The following GNAI2 variants were observed in gnomAD, a reference collection of about 807,000 sequenced individuals.
GNAI2 encodes the protein G protein subunit alpha i2.
A neutral mutation model predicts 36.8 loss-of-function variants in GNAI2; 4 were observed. The observed-to-expected ratio is 0.11, with a 90% CI of 0.05 to 0.25. GNAI2 has a LOEUF of 0.25. GNAI2 is among the 10% of genes least tolerant of loss of function. The pLI, the probability that GNAI2 is intolerant of heterozygous loss-of-function variation, is 1.00. For synonymous variants in GNAI2, 194 were observed against 194.1 expected, an observed-to-expected ratio of 1.00 and a Z score of 0.01; for missense variants, 230 against 481.3, an observed-to-expected ratio of 0.48 and a Z score of 4.89.
rs924494913 is a variant in GNAI2, at chr3:50,258,643, G to A, written c.*300G>A. 9 of 323,162 alleles carry A rather than the reference G, an allele frequency of 2.8e-5. No individual in the cohort carries two copies. The highest frequency in any genetic ancestry group is 1.1e-4 in the African/African-American group (5 of 45,926). The allele number at this position is 323,162 out of a possible 1,614,324, so 20.0% of individuals were successfully genotyped here. A position where few individuals can be genotyped will look rare whatever the true frequency, so the allele number is the denominator to read the frequency against. On this transcript the variant is annotated 3_prime_UTR_variant, in exon 9 of 9. Transcript: ENST00000313601. ...CTTGTTCTGTGATGAGGGGAGGGGGGCACATGCTGAGTCTCCCAAGGCTGC... is the reference window on the plus strand; with the variant it reads ...CTTGTTCTGTGATGAGGGGAGGGGGACACATGCTGAGTCTCCCAAGGCTGC...
At chr3:50,254,248 T>C (rs1700636303) in intron 4 of GNAI2, among the ~76,000 whole-genome samples, 2 of 152,120 alleles carry the variant, frequency 1.3e-5, no homozygotes, top group Admixed American at 6.5e-5. Flanking sequence ...GACAGGCTAA[T>C]AGCCATTGAG....
In GNAI2 at chr3:50,256,180, C is replaced by T. The variant is rs1553703132; in HGVS notation, c.465-12C>T. ...GCTGGCCCCCACTGACCCTCCCACC[C>T]CCCATCCCCAGCTACCTGAACGACC... On this transcript the variant is annotated splice_polypyrimidine_tract_variant and intron_variant, in intron 4 of 8. Transcript: ENST00000313601. 1.4e-6 allele frequency: 2 copies of T among 1,468,198 alleles called. No individual in the cohort carries two copies. The highest frequency in any genetic ancestry group is 9.4e-7 in the Non-Finnish European group (1 of 1,059,098). 90.9% of individuals were successfully genotyped at this position (1,468,198 alleles called of 1,614,324 possible). A position where few individuals can be genotyped will look rare whatever the true frequency, so the allele number is the denominator to read the frequency against.
Position 50,252,626 on chromosome 3 carries a change from C to G in GNAI2, c.303+88C>G, listed in dbSNP as rs1700588768. The stretch of plus-strand genomic sequence containing the variant: ...TGGCTCATGCCTATAAATCCCAGCA[C>G]TTTGGGACGCCGAGGCGGGTGGATC... On this transcript the variant is annotated intron_variant, in intron 3 of 8. Coordinates refer to ENST00000313601, the MANE Select transcript of GNAI2 (RefSeq NM_002070.4). This position sits in a 1 kb window ranked among gnomAD's most constrained non-coding sequence, Gnocchi z 4.1. 8.8e-7 allele frequency: 1 copy of G among 1,140,296 alleles called. No homozygotes were observed. Among genetic ancestry groups the G allele is most frequent in the Non-Finnish European group, 1.3e-6 (1 of 787,566 alleles). The allele number at this position is 1,140,296 out of a possible 1,614,324, so 70.6% of individuals were successfully genotyped here.
chr3:50,257,446 G>A, intron 7 of GNAI2, 54 bp from the exon 8 acceptor site: 1 of 1,255,560 alleles, frequency 8.0e-7, no homozygotes, highest in Non-Finnish European at 1.1e-6. Flanking sequence ...GCACACGTAG[G>A]ATGCGGCCTG....
At chr3:50,227,202 A>C (rs1699990181), upstream of GNAI2, 1 of 1,406,904 alleles carries the variant, frequency 7.1e-7, no homozygotes, top group Non-Finnish European at 9.3e-7. The surrounding 1 kb of genome is among the most constrained non-coding windows in gnomAD (Gnocchi z 5.9). Context: ...GGGTAAGCCG[A>C]TGGCGGCTAT....
Position 50,236,206 on chromosome 3 carries a change from T to C in GNAI2, c.-130T>C. 8.5e-7 allele frequency: 1 copy of C among 1,180,350 alleles called. No individual in the cohort carries two copies. The highest frequency in any genetic ancestry group is 1.0e-6 in the Non-Finnish European group (1 of 955,564). The allele number at this position is 1,180,350 out of a possible 1,614,324, so 73.1% of individuals were successfully genotyped here. ...GCGGTAGGGAAGGCGCCTCCCGCAGTCGCTCGGAACTGCCGACCCGAGTGC... is the reference window on the plus strand; with the variant it reads ...GCGGTAGGGAAGGCGCCTCCCGCAGCCGCTCGGAACTGCCGACCCGAGTGC... On this transcript the variant is annotated 5_prime_UTR_variant, in exon 1 of 9. Coordinates refer to ENST00000313601, the MANE Select transcript of GNAI2 (RefSeq NM_002070.4). This position sits in a 1 kb window ranked among gnomAD's most constrained non-coding sequence, Gnocchi z 4.0.
Position 50,252,583 on chromosome 3 carries a change from C to T in GNAI2, c.303+45C>T, listed in dbSNP as rs929219193. ...CCCTCTCCCACCTCCCAAAAGGTTT[C>T]GGGGTGGCTGGTTGTGGTGGCTCAT... On this transcript the variant is annotated intron_variant, in intron 3 of 8. Transcript: ENST00000313601. The surrounding 1 kb of genome is among the most constrained non-coding windows in gnomAD (Gnocchi z 4.1). The T allele has an allele frequency of 1.3e-5, 20 of 1,544,576 alleles. No homozygotes were observed. The highest frequency in any genetic ancestry group is 1.8e-5 in the Non-Finnish European group (20 of 1,127,520).
intron 1 of GNAI2, 154 bp from the exon 2 acceptor site, chr3:50,251,946 T>C: frequency 1.1e-6 from 1 of 895,230 alleles, no homozygotes; most frequent in Admixed American, 2.6e-5. Context: ...TCCTGGTAGC[T>C]CAACTGCCCA....
rs1700775267 is a variant in GNAI2, at chr3:50,258,737, C to G, written c.*394C>G. The G allele has an allele frequency of 2.8e-6, 1 of 359,392 alleles. No homozygotes were observed. Among genetic ancestry groups the G allele is most frequent in the South Asian group, 2.2e-5 (1 of 46,192 alleles). 22.3% of individuals were successfully genotyped at this position (359,392 alleles called of 1,614,324 possible). On this transcript the variant is annotated 3_prime_UTR_variant, in exon 9 of 9. Transcript: ENST00000313601. ...GCCCAACACCAGCCCCTGCCCCAGC[C>G]CAAGTCCAAATGTTTACAGGGAGCC...
At chr3:50,256,164 C>A in intron 4 of GNAI2, 28 bp from the exon 5 acceptor site, 1 of 1,359,732 alleles carries the variant, frequency 7.4e-7, no homozygotes, top group South Asian at 1.2e-5. Context: ...TGCTGGCCCC[C>A]ACTGACCCTC....
At chr3:50,251,847 G>A (rs1700565262) in intron 1 of GNAI2, 1 of 1,237,586 alleles carries the variant, frequency 8.1e-7, no homozygotes, top group Non-Finnish European at 1.1e-6. Flanking sequence ...GGGCAGCAGA[G>A]CTTGTGGGAG....
At position 50,255,444 on chromosome 3, in the gene GNAI2, G is replaced by T. The variant is rs956133556; in HGVS notation, c.465-748G>T. ...CACTGGACCTGGCAGGCCCCAACCT[G>T]TCCAGCACCACATCGAGGGACCGCA... On this transcript the variant is annotated intron_variant, in intron 4 of 8. Transcript: ENST00000313601. This position sits in a 1 kb window ranked among gnomAD's most constrained non-coding sequence, Gnocchi z 4.0. 6.6e-6 allele frequency among the ~76,000 whole-genome samples: 1 copy of T among 152,204 alleles called. No individual in the cohort carries two copies. The highest frequency in any genetic ancestry group is 1.5e-5 in the Non-Finnish European group (1 of 68,022).
chr3:50,246,213 G>C (rs1302661335), intron 1 of GNAI2, among the ~76,000 whole-genome samples: 6 of 152,250 alleles, frequency 3.9e-5, no homozygotes, highest in Non-Finnish European at 8.8e-5. Flanking sequence ...TGTGTGCCGA[G>C]TCTCTGCAGG....
At position 50,256,174 on chromosome 3, in the gene GNAI2, C is replaced by G; in HGVS notation, c.465-18C>G. The stretch of plus-strand genomic sequence containing the variant: ...CCCCATGCTGGCCCCCACTGACCCT[C>G]CCACCCCCCATCCCCAGCTACCTGA... On this transcript the variant is annotated intron_variant, in intron 4 of 8. Transcript: ENST00000313601. 2 of 1,055,016 alleles carry G rather than the reference C, an allele frequency of 1.9e-6. No homozygotes were observed. The highest frequency in any genetic ancestry group is 2.8e-6 in the Non-Finnish European group (2 of 701,916). The allele number at this position is 1,055,016 out of a possible 1,614,324, so 65.4% of individuals were successfully genotyped here. A position where few individuals can be genotyped will look rare whatever the true frequency, so the allele number is the denominator to read the frequency against.
In GNAI2 at chr3:50,253,336, TG is replaced by T; in HGVS notation, c.464+158del. The T allele has an allele frequency of 5.3e-5, 11 of 206,418 alleles. No individual in the cohort carries two copies. Among genetic ancestry groups the T allele is most frequent in the East Asian group, 8.4e-5 (1 of 11,876 alleles). The allele number at this position is 206,418 out of a possible 1,614,324, so 12.8% of individuals were successfully genotyped here. A position where few individuals can be genotyped will look rare whatever the true frequency, so the allele number is the denominator to read the frequency against. On this transcript the variant is annotated intron_variant, in intron 4 of 8. Transcript: ENST00000313601. The surrounding 1 kb of genome is among the most constrained non-coding windows in gnomAD (Gnocchi z 4.2). The stretch of plus-strand genomic sequence containing the variant: ...ACCAAGGCCTTCCTGTTTTTTGGTT[TG>T]GGGGGTGGGTGGGTGTCACGTTACT...
chr3:50,233,305 C>T (rs1700101896), upstream of GNAI2, among the ~76,000 whole-genome samples: 1 of 152,212 alleles, frequency 6.6e-6, no homozygotes, highest in Non-Finnish European at 1.5e-5. Flanking sequence ...CTTGCCCTGC[C>T]TCCATAGATT....
chr3:50,241,567 GA>G lies in GNAI2; in HGVS notation c.118+5116del, dbSNP rs1575442671. Among the ~76,000 whole-genome samples the G allele has an allele frequency of 1.3e-5, 2 of 152,342 alleles. No homozygotes were observed. Among genetic ancestry groups the G allele is most frequent in the East Asian group, 3.9e-4 (2 of 5,190 alleles). On this transcript the variant is annotated intron_variant, in intron 1 of 8. Coordinates refer to ENST00000313601, the MANE Select transcript of GNAI2 (RefSeq NM_002070.4). The surrounding 1 kb of genome is among the most constrained non-coding windows in gnomAD (Gnocchi z 5.0). ...ATACCTCTGAGCTGAGAGACTAGGT[GA>G]ATCAGGGCAGCTGGAGCTCAGCTGG...
intron 1 of GNAI2, chr3:50,251,351 G>C: frequency 1.0e-6 from 1 of 995,368 alleles, no homozygotes; most frequent in Non-Finnish European, 1.2e-6. Context: ...GCAAATCTCA[G>C]TACCAGCTAA....
At chr3:50,247,906 A>G (rs113262502) in intron 1 of GNAI2, among the ~76,000 whole-genome samples, 35 of 152,318 alleles carry the variant, frequency 2.3e-4, no homozygotes, top group Non-Finnish European at 3.2e-4. Context: ...GCCACCTTCT[A>G]TTGCCTCAGT....
Sources: gnomAD v4.1 joint callset for allele counts (sites outside exome capture counted in the v4.1 genomes callset) on GRCh38, gnomAD v4.1.1 for gene constraint, Gnocchi (gnomAD v3.1) non-coding constraint, MANE v1.5 for transcripts, NCBI Gene and HGNC (gene_info 2026-07-23, HGNC 2026-07-21) for gene names.